Variants in GRHL3 observed in about 807,000 individuals in gnomAD.
GRHL3 encodes the protein grainyhead like transcription factor 3.
In GRHL3, 20 loss-of-function variants were observed where a neutral mutation model predicts 70.3. That is an observed-to-expected ratio of 0.28 (90% CI 0.20 to 0.41). The LOEUF (loss-of-function observed/expected upper bound fraction) is 0.41. GRHL3 is among the 10% of genes least tolerant of loss of function. GRHL3 has a pLI of 1.00. For synonymous variants in GRHL3, 299 were observed against 299.9 expected, an observed-to-expected ratio of 1.00 and a Z score of 0.03; for missense variants, 637 against 762.3, an observed-to-expected ratio of 0.84 and a Z score of 1.94.
Position 24,331,439 on chromosome 1 carries a change from C to G in GRHL3, c.31C>G (p.Arg11Gly). The G allele has an allele frequency of 6.2e-7, 1 of 1,611,750 alleles. No individual in the cohort carries two copies. The highest frequency in any genetic ancestry group is 1.1e-5 in the South Asian group (1 of 90,596). Residue 11 changes from arginine (R) to glycine (G), a missense_variant, in exon 2 of 16, where the codon CGG becomes GGG. Transcript: ENST00000361548. ...ACTTGCATTCAGTTTCAGGTCTGTG[C>G]GGCTGCTAAAGAACGACCCAGTCAA... The part of the protein sequence containing the change: MSNELDFRSV[R>G]LLKNDPVNLQ...
At chr1:24,340,101 C>G (rs1008133865) in intron 8 of GRHL3, among the ~76,000 whole-genome samples, 1 of 152,122 alleles carries the variant, frequency 6.6e-6, no homozygotes, top group Admixed American at 6.5e-5. Flanking sequence ...GTGGAGCACA[C>G]GCCTGGCCCA....
At chr1:24,323,228 T>C (rs1639270409) in intron 1 of GRHL3, 1 of 717,794 alleles carries the variant, frequency 1.4e-6, no homozygotes, top group East Asian at 2.7e-5. Context: ...CCTAGAACAG[T>C]GTTCTCAAAC....
intron 1 of GRHL3, among the ~76,000 whole-genome samples, chr1:24,326,927 A>G (rs1367171614): frequency 2.0e-5 from 3 of 152,302 alleles, no homozygotes; most frequent in Non-Finnish European, 4.4e-5. Context: ...TCTATGAGAT[A>G]ATGGAAGTTG....
chr1:24,356,375 G>A (rs147990441), downstream of GRHL3, among the ~76,000 whole-genome samples: 1,480 of 152,236 alleles, frequency 9.7e-3, 12 homozygotes, highest in African/African-American at 0.016. Context: ...GAGTAGCTGG[G>A]ATTACACGTG....
chr1:24,354,819 G>A lies in GRHL3; in HGVS notation c.*331G>A, dbSNP rs1569934677. On this transcript the variant is annotated 3_prime_UTR_variant, in exon 16 of 16. Coordinates refer to ENST00000361548, the MANE Select transcript of GRHL3 (RefSeq NM_198173.3). ...CCTTGTCTGCAGTGGTGCTCCTGCA[G>A]GCTGCCCGTTAAGATGGTGGCGGCA... The A allele has an allele frequency of 5.4e-6, 1 of 184,370 alleles. No homozygotes were observed. The highest frequency in any genetic ancestry group is 1.1e-5 in the Non-Finnish European group (1 of 88,322). 11.4% of individuals were successfully genotyped at this position (184,370 alleles called of 1,614,324 possible). A position where few individuals can be genotyped will look rare whatever the true frequency, so the allele number is the denominator to read the frequency against.
At chr1:24,343,560 TC>T (rs1640131026) in intron 11 of GRHL3, among the ~76,000 whole-genome samples, 1 of 152,052 alleles carries the variant, frequency 6.6e-6, no homozygotes, top group African/African-American at 2.4e-5. Context: ...TCCACACCTT[TC>T]CCCACTAGCT....
At position 24,350,080 on chromosome 1, in the gene GRHL3, C is replaced by T; in HGVS notation, c.1652C>T (p.Pro551Leu). 1 of 1,613,800 alleles carries T rather than the reference C, an allele frequency of 6.2e-7. No homozygotes were observed. The highest frequency in any genetic ancestry group is 1.1e-5 in the South Asian group (1 of 91,000). Residue 551 changes from proline (P) to leucine (L), a missense_variant, in exon 15 of 16, where the codon CCT becomes CTT. Physicochemically the swap from Pro to Leu is moderately conservative, Grantham distance 98 (BLOSUM62 -3). Transcript: ENST00000361548. ...CAGATCTCTGAGAAGTATGGGTTCC[C>T]TGAAGAGAACATTTACAAAGTCTAC... Reference protein sequence around the residue: ...RNAISEKYGFPEENIYKVYKK... With the variant: ...RNAISEKYGFLEENIYKVYKK...
chr1:24,327,876 AG>A (rs1024976739), intron 1 of GRHL3, among the ~76,000 whole-genome samples: 1 of 152,204 alleles, frequency 6.6e-6, no homozygotes, highest in African/African-American at 2.4e-5. Flanking sequence ...GAGACCAGAG[AG>A]CCAAAAGTTC....
intron 13 of GRHL3, 96 bp downstream of exon 13, chr1:24,346,737 GC>G: frequency 1.1e-6 from 1 of 915,064 alleles, no homozygotes; most frequent in South Asian, 1.5e-5. Context: ...GGGGCACGAG[GC>G]GCTGCCTTAC....
At chr1:24,362,195 C>T (rs1641167850) in intron 15 of GRHL3, among the ~76,000 whole-genome samples, 1 of 152,220 alleles carries the variant, frequency 6.6e-6, no homozygotes, top group South Asian at 2.1e-4. Flanking sequence ...GCACTTTAGC[C>T]AACAACTTCT....
intron 15 of GRHL3, chr1:24,364,080 C>A: frequency 7.1e-7 from 1 of 1,417,642 alleles, no homozygotes; most frequent in Non-Finnish European, 9.3e-7. Context: ...CAACACAACA[C>A]AGTTCAGCAA....
rs747060661 is a variant in GRHL3, at chr1:24,338,105, TGA to T, written c.952+6_952+7del. 4.4e-6 allele frequency: 7 copies of T among 1,593,568 alleles called. No individual in the cohort carries two copies. Among genetic ancestry groups the T allele is most frequent in the Non-Finnish European group, 6.0e-6 (7 of 1,168,340 alleles). On this transcript the variant is annotated splice_donor_region_variant and intron_variant, in intron 7 of 15. Transcript: ENST00000361548. ...CCAAGCAGCGGGTCATTGACGTGGG[TGA>T]GAGCCTTCTCAAGCCTCCATTCCAG... is the stretch of plus-strand genomic sequence containing the variant.
rs1168933862 is a variant in GRHL3, at chr1:24,321,215, T to A, written c.17+1647T>A. Reference sequence around the variant, plus strand: ...TGGGTTACTTGAACAGAAAGGTTTCTTGCTTTTCTCCTCCCTAATGGTTTG... The same window carrying A: ...TGGGTTACTTGAACAGAAAGGTTTCATGCTTTTCTCCTCCCTAATGGTTTG... On this transcript the variant is annotated intron_variant, in intron 1 of 15. Coordinates refer to ENST00000361548, the MANE Select transcript of GRHL3 (RefSeq NM_198173.3). This position sits in a 1 kb window ranked among gnomAD's most constrained non-coding sequence, Gnocchi z 4.0. Among the ~76,000 whole-genome samples, 2 of 152,250 alleles carry A rather than the reference T, an allele frequency of 1.3e-5. No individual in the cohort carries two copies. The highest frequency in any genetic ancestry group is 4.8e-5 in the African/African-American group (2 of 41,466).
downstream of GRHL3, chr1:24,358,282 G>C (rs1171325516): frequency 1.5e-6 from 1 of 655,762 alleles, no homozygotes; most frequent in Admixed American, 2.1e-5. Flanking sequence ...AGCAGCCAGG[G>C]GGCTCTGTCC....
intron 8 of GRHL3, among the ~76,000 whole-genome samples, chr1:24,340,909 C>G (rs1242369345): frequency 6.6e-6 from 1 of 152,024 alleles, no homozygotes; most frequent in Admixed American, 6.6e-5. Flanking sequence ...GCCTTTTAAG[C>G]CCCCAGGCTT....
At chr1:24,331,109 CTT>C (rs2148651597) in intron 1 of GRHL3, among the ~76,000 whole-genome samples, 1 of 152,340 alleles carries the variant, frequency 6.6e-6, no homozygotes, top group Non-Finnish European at 1.5e-5. Context: ...CACGAATTCT[CTT>C]TGAATAAGTA....
chr1:24,345,255 G>A (rs1640229457), intron 12 of GRHL3, among the ~76,000 whole-genome samples: 3 of 103,562 alleles, frequency 2.9e-5, no homozygotes, highest in African/African-American at 1.2e-4. Flanking sequence ...CTCCACACCT[G>A]TGCCCCCTCC....
chr1:24,354,452 G>A lies in GRHL3; in HGVS notation c.1773G>A (p.Leu591=). The A allele has an allele frequency of 6.2e-7, 1 of 1,613,760 alleles. No individual in the cohort carries two copies. Among genetic ancestry groups the A allele is most frequent in the Non-Finnish European group, 8.5e-7 (1 of 1,179,784 alleles). ...CCTTCCTGCTGGACATGGGGGAGCT[G>A]GACGGCAAAATTCAGATCATCCTTA... ...HVAFLLDMGE[L]DGKIQIILKE... Residue 591 remains leucine, a synonymous_variant, in exon 16 of 16, where the codon CTG becomes CTA. Coordinates refer to ENST00000361548, the MANE Select transcript of GRHL3 (RefSeq NM_198173.3).
chr1:24,321,489 G>A lies in GRHL3; in HGVS notation c.17+1921G>A, dbSNP rs1320959717. On this transcript the variant is annotated intron_variant, in intron 1 of 15. Transcript: ENST00000361548. This position sits in a 1 kb window ranked among gnomAD's most constrained non-coding sequence, Gnocchi z 4.0. The stretch of plus-strand genomic sequence containing the variant: ...AAAAAGTGCCAAGTTAAGAGGACTG[G>A]CCATAGCTTACAGCTTGGGCCCTCA... Among the ~76,000 whole-genome samples the A allele has an allele frequency of 6.6e-6, 1 of 152,228 alleles. No individual in the cohort carries two copies. The highest frequency in any genetic ancestry group is 1.9e-4 in the East Asian group (1 of 5,192).
Sources: gnomAD v4.1 joint callset for allele counts (sites outside exome capture counted in the v4.1 genomes callset) on GRCh38, gnomAD v4.1.1 for gene constraint, Gnocchi (gnomAD v3.1) non-coding constraint, MANE v1.5 for transcripts, NCBI Gene and HGNC (gene_info 2026-07-23, HGNC 2026-07-21) for gene names.